The following SUPV3L1 variants were observed in gnomAD, a reference collection of about 807,000 sequenced individuals.
SUPV3L1 encodes the protein ATP-dependent RNA helicase SUPV3L1, mitochondrial.
Under a neutral mutation model 70.0 loss-of-function variants are expected in SUPV3L1, and 35 were observed. The ratio of observed to expected loss-of-function variants is 0.50; its 90% CI spans 0.38 to 0.66. The LOEUF is 0.66. Among genes scored for constraint, SUPV3L1 ranks in the 30% least tolerant of loss-of-function variants. The probability of loss-of-function intolerance (pLI) is 0.00; values close to 1 mark genes in which losing one functional copy is unlikely to be tolerated. For synonymous variants in SUPV3L1, 364 were observed against 341.9 expected (o/e 1.06, Z -0.71); for missense variants, 777 against 961.5 (o/e 0.81, Z 2.54).
chr10:69,202,315 G>T (rs1001834403), intron 11 of SUPV3L1, 124 bp from the exon 12 acceptor site: 7 of 597,628 alleles, frequency 1.2e-5, no homozygotes, highest in South Asian at 2.7e-5. Context: ...TCAAATTCTT[G>T]GCATTTACTT....
chr10:69,186,327 AAAAAAAAAAAAAAAAAAG>A, intron 2 of SUPV3L1, 98 bp from the exon 3 acceptor site: 1 of 471,562 alleles, frequency 2.1e-6, no homozygotes, highest in South Asian at 2.7e-5. Context: ...TGTACTGCCA[AAAAAAAAAAAAAAAAAAG>A]AAAAAAAAAG....
At chr10:69,181,698 C>G (rs1293083934) in intron 1 of SUPV3L1, among the ~76,000 whole-genome samples, 1 of 152,092 alleles carries the variant, frequency 6.6e-6, no homozygotes, top group African/African-American at 2.4e-5. Context: ...GGCAAATGAG[C>G]CTGTGAGACA....
intron 4 of SUPV3L1, 146 bp from the exon 5 acceptor site, chr10:69,189,121 A>G: frequency 3.8e-6 from 3 of 790,256 alleles, no homozygotes; most frequent in Non-Finnish European, 5.5e-6. Flanking sequence ...TTTAATGTGG[A>G]TATGAAACCC....
At chr10:69,191,282 G>C (rs2132279610) in intron 5 of SUPV3L1, among the ~76,000 whole-genome samples, 1 of 148,184 alleles carries the variant, frequency 6.7e-6, no homozygotes, top group East Asian at 2.0e-4. Flanking sequence ...CCAGGCTGGA[G>C]TGCAGTGGCA....
At chr10:69,196,231 C>G (rs1394123946) in intron 7 of SUPV3L1, among the ~76,000 whole-genome samples, 1 of 152,094 alleles carries the variant, frequency 6.6e-6, no homozygotes, top group Admixed American at 6.6e-5. Context: ...GTGGCTCACG[C>G]CTGTAATCCC....
intron 11 of SUPV3L1, 80 bp downstream of exon 11, chr10:69,200,579 TCAGACACATTTCTGGATA>T: frequency 1.7e-6 from 2 of 1,210,000 alleles, no homozygotes; most frequent in Non-Finnish European, 2.3e-6. Flanking sequence ...GACTCTCACC[TCAGACACATTTCTGGATA>T]CAGACATAAG....
At chr10:69,208,468 A>G in intron 14 of SUPV3L1, 132 bp from the exon 15 acceptor site, 2 of 992,462 alleles carry the variant, frequency 2.0e-6, no homozygotes, top group Non-Finnish European at 1.5e-6. Flanking sequence ...AAGGTTGAGC[A>G]AAGGCACTGA....
In SUPV3L1 at chr10:69,208,869, C is replaced by T; in HGVS notation, c.2195C>T (p.Ser732Phe). Residue 732 changes from serine to phenylalanine, a missense_variant, in exon 15 of 15, where the codon TCC becomes TTC. Transcript: ENST00000359655. ...CCCAGCCCCGATGCAGGAGAGCTGT[C>T]CCTTGCTTCCAGATTGGTGCAGCAA... ...EPPSPDAGEL[S>F]LASRLVQQGL... 2 of 1,614,100 alleles carry T rather than the reference C, an allele frequency of 1.2e-6. No homozygotes were observed. Among genetic ancestry groups the T allele is most frequent in the Non-Finnish European group, 1.7e-6 (2 of 1,180,002 alleles).
chr10:69,190,686 A>G (rs1161171477), intron 5 of SUPV3L1, among the ~76,000 whole-genome samples: 2 of 152,166 alleles, frequency 1.3e-5, no homozygotes, highest in Non-Finnish European at 2.9e-5. Context: ...TAGTTGTCAT[A>G]TCTCTAGTTT....
At chr10:69,187,865 G>A (rs1169432741) in intron 4 of SUPV3L1, 109 bp downstream of exon 4, 2 of 697,142 alleles carry the variant, frequency 2.9e-6, no homozygotes, top group Non-Finnish European at 4.6e-6. Context: ...AAGGAGTCTG[G>A]ATTAGGTTGT....
Position 69,180,308 on chromosome 10 carries a change from C to T in SUPV3L1, c.17C>T (p.Ala6Val), listed in dbSNP as rs1284322599. The T allele has an allele frequency of 6.2e-7, 1 of 1,613,804 alleles. No homozygotes were observed. The highest frequency in any genetic ancestry group is 1.7e-5 in the Admixed American group (1 of 60,012). ...GCGGCCTCGATGTCCTTCTCCCGTG[C>T]CCTATTGTGGGCTCGGCTCCCGGCG... MSFSR[A>V]LLWARLPAGR... Residue 6 changes from alanine (A) to valine (V), a missense_variant, in exon 1 of 15, where the codon GCC (alanine) becomes GTC (valine). Physicochemically the swap from Ala to Val is moderately conservative, Grantham distance 64. Coordinates refer to ENST00000359655, the MANE Select transcript of SUPV3L1 (RefSeq NM_003171.5).
chr10:69,208,835 A>C lies in SUPV3L1; in HGVS notation c.2161A>C (p.Thr721Pro). 2.5e-6 allele frequency: 4 copies of C among 1,614,160 alleles called. No individual in the cohort carries two copies. In the African/African-American group the frequency reaches 4.0e-5, roughly 16 times the overall value. The change falls in exon 15 of 15, where the codon ACT becomes CCT. Residue 721 changes from threonine to proline, a missense_variant. Physicochemically the swap from Thr to Pro is conservative, Grantham distance 38. This residue lies in a region of SUPV3L1 where 619 missense variants were observed against 823.3 expected (regional missense o/e 0.75). Transcript: ENST00000359655. ...CACCAAAGCTCTAGGGAGTAAAGCT[A>C]CTGAGCCACCCAGCCCCGATGCAGG... The part of the protein sequence containing the change: ...RGTKALGSKA[T>P]EPPSPDAGEL...
chr10:69,188,085 C>G (rs2132273373), intron 4 of SUPV3L1, among the ~76,000 whole-genome samples: 1 of 152,258 alleles, frequency 6.6e-6, no homozygotes, highest in East Asian at 1.9e-4. Flanking sequence ...ATGGCTGGAA[C>G]TGCAACATCA....
chr10:69,180,357 A>G lies in SUPV3L1; in HGVS notation c.66A>G (p.Ala22=), dbSNP rs546150923. 1.2e-5 allele frequency: 20 copies of G among 1,614,188 alleles called. No homozygotes were observed. The South Asian group carries it at 2.1e-4, about 17-fold the overall frequency. ...CGGGGCGCCAGGCTGGCCACCGGGCAGCCATCTGCTCTGCCCTTCGTCCCC... is the reference window on the plus strand; with the variant it reads ...CGGGGCGCCAGGCTGGCCACCGGGCGGCCATCTGCTCTGCCCTTCGTCCCC... ...LPAGRQAGHR[A]AICSALRPHF... Residue 22 remains alanine, a synonymous_variant, in exon 1 of 15, where the codon GCA becomes GCG. Transcript: ENST00000359655.
In SUPV3L1 at chr10:69,202,903, T is replaced by G; in HGVS notation, c.1636T>G (p.Tyr546Asp). The G allele has an allele frequency of 1.2e-6, 2 of 1,613,708 alleles. No homozygotes were observed. Among genetic ancestry groups the G allele is most frequent in the Non-Finnish European group, 1.7e-6 (2 of 1,179,912 alleles). ...AGACTTTTCACAAGTTGATGGGCAGTATTTTGTCTGCAATATGGATGATTT... is the reference window on the plus strand; with the variant it reads ...AGACTTTTCACAAGTTGATGGGCAGGATTTTGTCTGCAATATGGATGATTT... ...FVDFSQVDGQ[Y>D]FVCNMDDFKF... Residue 546 changes from tyrosine (Y) to aspartate (D), a missense_variant, in exon 13 of 15, where the codon TAT becomes GAT. Tyr to Asp is a radical substitution (Grantham distance 160). Around this residue, in one of 2 missense-constraint regions of SUPV3L1, gnomAD observed 619 missense variants for 823.3 expected, o/e 0.75. Transcript: ENST00000359655.
intron 6 of SUPV3L1, among the ~76,000 whole-genome samples, chr10:69,193,417 C>T (rs1361889534): frequency 1.3e-5 from 2 of 148,866 alleles, no homozygotes; most frequent in African/African-American, 5.0e-5. Context: ...GTCTTCTCTT[C>T]TAGTCTTGTT....
intron 13 of SUPV3L1, among the ~76,000 whole-genome samples, chr10:69,205,326 A>G (rs576044620): frequency 2.0e-5 from 3 of 152,192 alleles, no homozygotes; most frequent in African/African-American, 4.8e-5. Context: ...ATTCTAGTGA[A>G]TAGAAGCTCT....
Position 69,207,870 on chromosome 10 carries a change from A to T in SUPV3L1, c.1854A>T (p.Pro618=). The change falls in exon 14 of 15, where the codon CCA becomes CCT. Residue 618 remains proline (P), a synonymous_variant. Transcript: ENST00000359655. ...LRRYIKWPLL[P]PKNIKDLMDL... ...GATACATCAAATGGCCTTTACTTCCACCTAAGAATATTAAAGACCTCATGG... is the reference window on the plus strand; with the variant it reads ...GATACATCAAATGGCCTTTACTTCCTCCTAAGAATATTAAAGACCTCATGG... 6.2e-7 allele frequency: 1 copy of T among 1,614,110 alleles called. No individual in the cohort carries two copies.
At chr10:69,188,751 G>C (rs1842306395) in intron 4 of SUPV3L1, among the ~76,000 whole-genome samples, 1 of 152,088 alleles carries the variant, frequency 6.6e-6, no homozygotes. Context: ...CTCCTGCCTT[G>C]ACCTCCCAAA....
Sources: allele counts gnomAD v4.1 joint callset (sites outside exome capture counted in the v4.1 genomes callset), GRCh38; gene constraint gnomAD v4.1.1; regional missense constraint gnomAD v4.1.1; transcripts MANE v1.5; gene names NCBI Gene and HGNC (gene_info 2026-07-23, HGNC 2026-07-21).